The following GRIK4 variants were observed in gnomAD, a reference collection of about 807,000 sequenced individuals.
GRIK4 encodes glutamate receptor ionotropic, kainate 4.
GRIK4 carries 40 observed loss-of-function variants against 104.9 expected under a neutral mutation model. The observed-to-expected ratio is 0.38, with a 90% CI of 0.30 to 0.50. The LOEUF (loss-of-function observed/expected upper bound fraction) is 0.50, where lower values mean the gene tolerates loss of function less well. GRIK4 is among the 20% of genes least tolerant of loss of function. The pLI, the probability that GRIK4 is intolerant of heterozygous loss-of-function variation, is 0.93. For missense variants in GRIK4, 1,047 were observed against 1,308.1 expected, an observed-to-expected ratio of 0.80 and a Z score of 3.08; for synonymous variants, 485 against 524.9, an observed-to-expected ratio of 0.92 and a Z score of 1.04.
intron 6 of GRIK4, among the ~76,000 whole-genome samples, chr11:120,828,437 G>A (rs1274294719): frequency 1.3e-5 from 2 of 152,188 alleles, no homozygotes; most frequent in African/African-American, 4.8e-5. Flanking sequence ...GGAGGAGATG[G>A]GGTAAAGGGT....
chr11:120,547,938 C>T (rs1948102120), intron 1 of GRIK4, among the ~76,000 whole-genome samples: 1 of 152,170 alleles, frequency 6.6e-6, no homozygotes, highest in Admixed American at 6.5e-5. Context: ...CTGCTGGGTA[C>T]CTGCCAGGGT....
chr11:120,533,718 A>C (rs1362975869), intron 1 of GRIK4, among the ~76,000 whole-genome samples: 1 of 152,152 alleles, frequency 6.6e-6, no homozygotes, highest in African/African-American at 2.4e-5. Context: ...TCTCTACAAA[A>C]AATGCAAAAC....
intron 3 of GRIK4, among the ~76,000 whole-genome samples, chr11:120,747,355 C>T (rs1166231028): frequency 1.3e-5 from 2 of 152,204 alleles, no homozygotes; most frequent in African/African-American, 4.8e-5. Context: ...CTGAGCCAGA[C>T]CTGCGCATCC....
At chr11:120,718,596 A>G (rs1950878856) in intron 3 of GRIK4, among the ~76,000 whole-genome samples, 1 of 152,200 alleles carries the variant, frequency 6.6e-6, no homozygotes. Context: ...TGTCCTTGAG[A>G]TGGAAGGAAG....
chr11:120,893,830 A>G (rs1485591069), intron 11 of GRIK4, among the ~76,000 whole-genome samples: 1 of 152,106 alleles, frequency 6.6e-6, no homozygotes, highest in Non-Finnish European at 1.5e-5. Flanking sequence ...AACATTTCCT[A>G]ACTGAGCATG....
At chr11:120,773,958 G>T (rs932575663) in intron 3 of GRIK4, among the ~76,000 whole-genome samples, 2 of 152,142 alleles carry the variant, frequency 1.3e-5, no homozygotes, top group African/African-American at 4.8e-5. Flanking sequence ...GGCCACAAAG[G>T]ATTCCCACAG....
intron 14 of GRIK4, among the ~76,000 whole-genome samples, chr11:120,946,532 A>C (rs1943864844): frequency 6.6e-6 from 1 of 152,242 alleles, no homozygotes; most frequent in South Asian, 2.1e-4. Context: ...ATAATTTAAA[A>C]TAAAAACTCA....
chr11:120,877,190 A>G (rs918323673), intron 11 of GRIK4, among the ~76,000 whole-genome samples: 1 of 152,232 alleles, frequency 6.6e-6, no homozygotes, highest in African/African-American at 2.4e-5. Flanking sequence ...ATAATTTCTC[A>G]AATGAGAGCA....
chr11:120,751,768 A>C (rs1951557965), intron 3 of GRIK4, among the ~76,000 whole-genome samples: 1 of 152,200 alleles, frequency 6.6e-6, no homozygotes. Flanking sequence ...CCTTCCTCCC[A>C]AGCCCTGCTG....
intron 3 of GRIK4, among the ~76,000 whole-genome samples, chr11:120,761,716 C>T (rs1025289573): frequency 6.6e-6 from 1 of 152,152 alleles, no homozygotes; most frequent in African/African-American, 2.4e-5. Context: ...ATCCTTTTCC[C>T]ATTGCTTGTT....
At chr11:120,779,316 G>A (rs556954485) in intron 3 of GRIK4, among the ~76,000 whole-genome samples, 5 of 152,230 alleles carry the variant, frequency 3.3e-5, no homozygotes, top group South Asian at 4.2e-4. Flanking sequence ...AGAGTGAGCC[G>A]GTCAGGAGCT....
rs534878756 is a variant in GRIK4, at chr11:120,797,372, C to T, written c.83-5321C>T. 9.2e-5 allele frequency among the ~76,000 whole-genome samples: 14 copies of T among 152,286 alleles called. No homozygotes were observed. In the East Asian group the frequency reaches 9.7e-4, roughly 11 times the overall value. On this transcript the variant is annotated intron_variant, in intron 3 of 20. Transcript: ENST00000527524. ...CAGCCAGGCAGCCAGGCCTGGGGGA[C>T]GCAGTGCAGGCTATGAGCGTTCACT...
At chr11:120,861,935 AT>A (rs1402409917) in intron 8 of GRIK4, 23 bp from the exon 9 acceptor site, 1 of 1,596,864 alleles carries the variant, frequency 6.3e-7, no homozygotes, top group Admixed American at 1.7e-5. Flanking sequence ...CTACATTCTT[AT>A]TTCTGATGCT....
rs191079774 is a variant in GRIK4, at chr11:120,762,619, C to T, written c.83-40074C>T. On this transcript the variant is annotated intron_variant, in intron 3 of 20. Transcript: ENST00000527524. ...TATTTTGAGATACGTTCCATCAATACCTAGTTTATTGAGTGTTTTTAGCAT... is the reference window on the plus strand; with the variant it reads ...TATTTTGAGATACGTTCCATCAATATCTAGTTTATTGAGTGTTTTTAGCAT... Among the ~76,000 whole-genome samples, 102 of 152,194 alleles carry T rather than the reference C, an allele frequency of 6.7e-4. 2 individuals carry two copies. Among genetic ancestry groups the T allele is most frequent in the African/African-American group, 2.3e-3 (97 of 41,520 alleles).
chr11:120,963,722 G>GT (rs1944332569), intron 18 of GRIK4, among the ~76,000 whole-genome samples: 1 of 152,224 alleles, frequency 6.6e-6, no homozygotes, highest in Admixed American at 6.5e-5. Context: ...CCTGTGGAGT[G>GT]TAACGAGCAC....
intron 13 of GRIK4, among the ~76,000 whole-genome samples, chr11:120,919,443 G>C (rs1167712934): frequency 3.3e-5 from 5 of 152,182 alleles, no homozygotes; most frequent in East Asian, 1.9e-4. Flanking sequence ...TCAAAGTATT[G>C]TCCTTGAACG....
intron 1 of GRIK4, among the ~76,000 whole-genome samples, chr11:120,617,620 A>G (rs1391011025): frequency 1.3e-5 from 2 of 152,124 alleles, no homozygotes; most frequent in Non-Finnish European, 2.9e-5. Context: ...TGGATCATAG[A>G]GGTGGATTTC....
intron 1 of GRIK4, among the ~76,000 whole-genome samples, chr11:120,556,770 A>G (rs1948191082): frequency 6.6e-6 from 1 of 152,292 alleles, no homozygotes; most frequent in Non-Finnish European, 1.5e-5. Flanking sequence ...CCATAGGTTC[A>G]TAATTACAGT....
At position 120,658,727 on chromosome 11, in the gene GRIK4, C is replaced by CT. The variant is rs71050753; in HGVS notation, c.-50-1503dup. 2.3e-4 allele frequency among the ~76,000 whole-genome samples: 13 copies of CT among 56,746 alleles called. 1 individual carries two copies. Among genetic ancestry groups the CT allele is most frequent in the African/African-American group, 4.7e-4 (10 of 21,072 alleles). The allele number at this position is 56,746 out of a possible 152,430, so 37.2% of individuals were successfully genotyped here. A position where few individuals can be genotyped will look rare whatever the true frequency, so the allele number is the denominator to read the frequency against. On this transcript the variant is annotated intron_variant, in intron 2 of 20. Transcript: ENST00000527524. ...TCTGTCTAGGGGTTGGAGGACGAAACTTTTTTTTTTTTTTTTTTTTTTTTT... is the reference window on the plus strand; with the variant it reads ...TCTGTCTAGGGGTTGGAGGACGAAACTTTTTTTTTTTTTTTTTTTTTTTTTT...
Sources: allele counts gnomAD v4.1 joint callset (sites outside exome capture counted in the v4.1 genomes callset), GRCh38; gene constraint gnomAD v4.1.1; transcripts MANE v1.5; gene names NCBI Gene and HGNC (gene_info 2026-07-23, HGNC 2026-07-21).